The following DHDH variants were observed in gnomAD, a reference collection of about 807,000 sequenced individuals.
DHDH encodes the protein dihydrodiol dehydrogenase.
DHDH carries 29 observed loss-of-function variants against 33.2 expected under a neutral mutation model. That is an observed-to-expected ratio of 0.87 (90% CI 0.65 to 1.19). The LOEUF (loss-of-function observed/expected upper bound fraction) is 1.19, where lower values mean the gene tolerates loss of function less well. DHDH is among the 50% of genes most tolerant of loss of function. The probability of loss-of-function intolerance (pLI) is 0.00; values close to 1 mark genes in which losing one functional copy is unlikely to be tolerated. For missense variants in DHDH, 431 were observed against 455.0 expected (o/e 0.95, Z 0.48); for synonymous variants, 201 against 187.9 (o/e 1.07, Z -0.57).
At chr19:48,944,565 C>A (rs1223953830) in intron 6 of DHDH, 58 bp downstream of exon 6, 16 of 1,541,136 alleles carry the variant, frequency 1.0e-5, no homozygotes, top group Non-Finnish European at 1.3e-5. Context: ...TGGGCCCCTC[C>A]CCACCTGCTC....
chr19:48,935,956 G>A, intron 2 of DHDH, 76 bp from the exon 3 acceptor site: 8 of 1,537,868 alleles, frequency 5.2e-6, no homozygotes, highest in Non-Finnish European at 7.0e-6. Flanking sequence ...GCTAGGGCGG[G>A]GCCTCGAAGT....
intron 2 of DHDH, 116 bp from the exon 3 acceptor site, chr19:48,935,914 CAG>C: frequency 5.5e-6 from 7 of 1,271,344 alleles, no homozygotes; most frequent in African/African-American, 1.5e-5. Context: ...CTAAGGGAGA[CAG>C]GGGTGTGACC....
intron 5 of DHDH, 53 bp downstream of exon 5, chr19:48,942,617 G>T: frequency 1.3e-6 from 2 of 1,580,616 alleles, no homozygotes; most frequent in Non-Finnish European, 1.7e-6. Flanking sequence ...AATAGGAGGG[G>T]GACAAATGGC....
At chr19:48,935,148 C>A in intron 2 of DHDH, 37 bp downstream of exon 2, 1 of 1,492,650 alleles carries the variant, frequency 6.7e-7, no homozygotes, top group Non-Finnish European at 9.0e-7. Context: ...TGGCCGCCGC[C>A]CCTGGAGCGG....
In DHDH at chr19:48,942,465, C is replaced by G; in HGVS notation, c.645C>G (p.Leu215=). 6.2e-7 allele frequency: 1 copy of G among 1,612,266 alleles called. No homozygotes were observed. The highest frequency in any genetic ancestry group is 8.5e-7 in the Non-Finnish European group (1 of 1,178,862). The change falls in exon 5 of 7, where the codon CTC becomes CTG. Residue 215 remains leucine, a synonymous_variant. Coordinates refer to ENST00000221403, the MANE Select transcript of DHDH (RefSeq NM_014475.4). ...GTGTGGATGACACTGTCACGGTGCTCCTGCAGTACCCAGGGGAGGTCCATG... is the reference window on the plus strand; with the variant it reads ...GTGTGGATGACACTGTCACGGTGCTGCTGCAGTACCCAGGGGAGGTCCATG... ...ETGVDDTVTV[L]LQYPGEVHGS...
At position 48,933,794 on chromosome 19, in the gene DHDH, CCTCGCTCTGAGCA is replaced by C. The variant is rs1183378668; in HGVS notation, c.75_87del (p.Ser27TrpfsTer9). On this transcript the variant is annotated frameshift_variant, in exon 1 of 7. Coordinates refer to ENST00000221403, the MANE Select transcript of DHDH (RefSeq NM_014475.4). LOFTEE classifies it high-confidence loss of function. ...CTTCACAGCCGTGCTGCAGACGCTG[CCTCGCTCTGAGCA>C]CCAGGTCTGCCCGCCCTCCGGATTC... 1 of 1,610,786 alleles carries C rather than the reference CCTCGCTCTGAGCA, an allele frequency of 6.2e-7. No individual in the cohort carries two copies. The highest frequency in any genetic ancestry group is 8.5e-7 in the Non-Finnish European group (1 of 1,179,934).
rs16982410 is a variant in DHDH at position 48,936,138 on chromosome 19, G to A, written c.309G>A (p.Ala103=). ...VLCEKPTGVN[A]AEVREMVAEA... is the part of the protein sequence containing the mutation. Reference sequence around the variant, plus strand: ...GCGAGAAGCCCACGGGCGTGAACGCGGCGGAAGTTCGCGAGATGGTCGCGG... The same window carrying A: ...GCGAGAAGCCCACGGGCGTGAACGCAGCGGAAGTTCGCGAGATGGTCGCGG... The change falls in exon 3 of 7, where the codon GCG becomes GCA. Residue 103 remains alanine, a synonymous_variant. Transcript: ENST00000221403. 8.6e-4 allele frequency: 1,379 copies of A among 1,609,578 alleles called. 11 individuals carry two copies. In the African/African-American group the frequency reaches 0.016, roughly 18 times the overall value.
chr19:48,933,459 T>A (rs1446520079), upstream of DHDH, among the ~76,000 whole-genome samples: 1 of 152,132 alleles, frequency 6.6e-6, no homozygotes, highest in African/African-American at 2.4e-5. Flanking sequence ...ACCCCGCGTA[T>A]CCGACGAGCC....
chr19:48,942,911 T>G (rs2037884675), intron 5 of DHDH, among the ~76,000 whole-genome samples: 1 of 151,514 alleles, frequency 6.6e-6, no homozygotes, highest in African/African-American at 2.4e-5. Flanking sequence ...AAAAATTAGC[T>G]GGGTGTGGTG....
chr19:48,939,109 T>C (rs2037820606), intron 3 of DHDH, among the ~76,000 whole-genome samples: 3 of 151,704 alleles, frequency 2.0e-5, no homozygotes, highest in Admixed American at 2.0e-4. Context: ...ATTCATCCCA[T>C]AACATGGGGA....
At chr19:48,936,007 A>G (rs2122246900) in intron 2 of DHDH, 25 bp from the exon 3 acceptor site, 1 of 1,576,520 alleles carries the variant, frequency 6.3e-7, no homozygotes, top group African/African-American at 1.4e-5. Context: ...GGGGCTGCTG[A>G]CCTCTTGACC....
At chr19:48,942,939 C>T (rs2037885061) in intron 5 of DHDH, among the ~76,000 whole-genome samples, 1 of 151,846 alleles carries the variant, frequency 6.6e-6, no homozygotes, top group Non-Finnish European at 1.5e-5. Context: ...CCTGTAATCC[C>T]AGCTACTAGG....
In DHDH at chr19:48,942,553, G is replaced by A; in HGVS notation, c.733G>A (p.Gly245Ser). 6.2e-7 allele frequency: 1 copy of A among 1,613,524 alleles called. No homozygotes were observed. Among genetic ancestry groups the A allele is most frequent in the Non-Finnish European group, 8.5e-7 (1 of 1,179,664 alleles). Residue 245 changes from glycine (G) to serine (S), a missense_variant, in exon 5 of 7, where the codon GGC becomes AGC. Transcript: ENST00000221403. ...CACGGCCTCCGTGAGCGGCACCAAG[G>A]GCATGGTACAGGTGAGGCATGGCGG... ...SNTASVSGTK[G>S]MVQLLNPCWC...
chr19:48,939,613 C>A lies in DHDH; in HGVS notation c.531C>A (p.Ile177=), dbSNP rs756697763. ...RAQAGGALLD[I]GIYCVQFTSM... ...AGGCTGGGGGGGCCCTGCTGGACAT[C>A]GGCATCTACTGTGTCCAGTTCACCT... Residue 177 remains isoleucine, a synonymous_variant, in exon 4 of 7, where the codon ATC becomes ATA. Coordinates refer to ENST00000221403, the MANE Select transcript of DHDH (RefSeq NM_014475.4). The A allele has an allele frequency of 3.1e-6, 5 of 1,614,012 alleles. No homozygotes were observed. The highest frequency in any genetic ancestry group is 2.2e-5 in the East Asian group (1 of 44,890).
Position 48,944,424 on chromosome 19 carries a change from C to T in DHDH, c.812C>T (p.Pro271Leu). The T allele has an allele frequency of 6.2e-7, 1 of 1,614,164 alleles. No homozygotes were observed. The highest frequency in any genetic ancestry group is 8.5e-7 in the Non-Finnish European group (1 of 1,180,020). Residue 271 changes from proline to leucine, a missense_variant, in exon 6 of 7, where the codon CCC becomes CTC. Physicochemically the swap from Pro to Leu is moderately conservative, Grantham distance 98. Coordinates refer to ENST00000221403, the MANE Select transcript of DHDH (RefSeq NM_014475.4). ...VKGEHKEFPL[P>L]PVPKDCNFDN... ...GGGGAGCATAAGGAGTTCCCGCTGC[C>T]CCCAGTCCCAAAGGACTGCAATTTT...
At position 48,942,597 on chromosome 19, in the gene DHDH, G is replaced by A. The variant is rs373217749; in HGVS notation, c.744+33G>A. 4.7e-5 allele frequency: 75 copies of A among 1,597,562 alleles called. 1 individual carries two copies. Among genetic ancestry groups the A allele is most frequent in the South Asian group, 2.1e-4 (19 of 90,032 alleles). ...ATGGCGGGCCCAAGCGCTGGGGATC[G>A]TGCCCCTAAAATAGGAGGGGGACAA... is the stretch of plus-strand genomic sequence containing the variant. On this transcript the variant is annotated intron_variant, in intron 5 of 6. Coordinates refer to ENST00000221403, the MANE Select transcript of DHDH (RefSeq NM_014475.4).
chr19:48,939,576 T>C lies in DHDH; in HGVS notation c.494T>C (p.Val165Ala), dbSNP rs746817769. 2 of 1,610,388 alleles carry C rather than the reference T, an allele frequency of 1.2e-6. No individual in the cohort carries two copies. Among genetic ancestry groups the C allele is most frequent in the Non-Finnish European group, 1.7e-6 (2 of 1,179,160 alleles). ...AATCTCATCCACGTTCCCCGGGCCGTAGACCGGGCCCAGGCTGGGGGGGCC... is the reference window on the plus strand; with the variant it reads ...AATCTCATCCACGTTCCCCGGGCCGCAGACCGGGCCCAGGCTGGGGGGGCC... ...GKNLIHVPRA[V>A]DRAQAGGALL... The change falls in exon 4 of 7, where the codon GTA (valine) becomes GCA (alanine). Residue 165 changes from valine to alanine, a missense_variant. Physicochemically the swap from Val to Ala is moderately conservative, Grantham distance 64. Coordinates refer to ENST00000221403, the MANE Select transcript of DHDH (RefSeq NM_014475.4).
intron 3 of DHDH, 93 bp downstream of exon 3, chr19:48,936,288 A>G (rs1330102850): frequency 7.0e-7 from 1 of 1,420,134 alleles, no homozygotes; most frequent in Non-Finnish European, 9.3e-7. Flanking sequence ...TGCATTTGCC[A>G]GGATGTATCT....
At chr19:48,944,056 C>G (rs988829446) in intron 5 of DHDH, among the ~76,000 whole-genome samples, 1 of 152,050 alleles carries the variant, frequency 6.6e-6, no homozygotes, top group Non-Finnish European at 1.5e-5. Flanking sequence ...CACAGACACA[C>G]AAAGATAAGC....
Sources: allele counts gnomAD v4.1 joint callset (sites outside exome capture counted in the v4.1 genomes callset), GRCh38; gene constraint gnomAD v4.1.1; transcripts MANE v1.5; gene names NCBI Gene and HGNC (gene_info 2026-07-23, HGNC 2026-07-21).